Variants in KIAA1217 observed in about 807,000 individuals in gnomAD.
KIAA1217 encodes sickle tail protein homolog.
KIAA1217 carries 88 observed loss-of-function variants against 163.9 expected under a neutral mutation model. The ratio of observed to expected loss-of-function variants is 0.54; its 90% confidence interval spans 0.45 to 0.64. KIAA1217 has a LOEUF of 0.64. KIAA1217 is among the 30% of genes least tolerant of loss of function. The pLI is 0.00. For missense variants in KIAA1217, 2,372 were observed against 2,475.0 expected (o/e 0.96, Z 0.88); for synonymous variants, 903 against 923.1 (o/e 0.98, Z 0.39).
chr10:24,049,030 C>CAAAAAAAAAAAA (rs59235039), intron 2 of KIAA1217, among the ~76,000 whole-genome samples: 1 of 86,190 alleles, frequency 1.2e-5, no homozygotes, highest in Non-Finnish European at 2.2e-5. Flanking sequence ...TACTCTGTCT[C>CAAAAAAAAAAAA]AAAAAAAAAA....
intron 2 of KIAA1217, among the ~76,000 whole-genome samples, chr10:24,087,882 G>C (rs1226843184): frequency 6.6e-6 from 1 of 151,908 alleles, no homozygotes; most frequent in African/African-American, 2.4e-5. Context: ...GTGTGTCGTG[G>C]ATTTTCTCTT....
intron 2 of KIAA1217, among the ~76,000 whole-genome samples, chr10:24,365,756 C>T (rs574528895): frequency 9.2e-5 from 14 of 152,004 alleles, no homozygotes; most frequent in Middle Eastern, 3.4e-3. Context: ...TATTTTAGTA[C>T]AGTTTTTGTC....
At chr10:24,061,046 T>C (rs1033189579) in intron 2 of KIAA1217, among the ~76,000 whole-genome samples, 1 of 152,220 alleles carries the variant, frequency 6.6e-6, no homozygotes, top group Non-Finnish European at 1.5e-5. Flanking sequence ...ATTTTCTGTA[T>C]GTCTTATGGT....
At chr10:24,323,075 G>T (rs1402288446) in intron 2 of KIAA1217, among the ~76,000 whole-genome samples, 1 of 151,738 alleles carries the variant, frequency 6.6e-6, no homozygotes, top group Non-Finnish European at 1.5e-5. Context: ...TCAGCCTCCT[G>T]AGTAGCTGGG....
chr10:24,406,376 G>T (rs2131224163), intron 3 of KIAA1217, among the ~76,000 whole-genome samples: 1 of 136,656 alleles, frequency 7.3e-6, no homozygotes, highest in South Asian at 2.3e-4. Flanking sequence ...AATATGCAAA[G>T]GTACATTCAC....
At chr10:23,739,214 C>G (rs1838969703) in intron 1 of KIAA1217, among the ~76,000 whole-genome samples, 1 of 152,038 alleles carries the variant, frequency 6.6e-6, no homozygotes, top group African/African-American at 2.4e-5. Flanking sequence ...CACATGGACA[C>G]AGAGTATGGA....
chr10:24,422,901 CTTTTTTT>C (rs58161228), intron 3 of KIAA1217, among the ~76,000 whole-genome samples: 9,476 of 120,598 alleles, frequency 0.079, 391 homozygotes, highest in African/African-American at 0.11. Context: ...ATAGATTTAA[CTTTTTTT>C]TTTTTTTTTT....
chr10:24,350,314 G>A (rs562799728), intron 2 of KIAA1217, among the ~76,000 whole-genome samples: 13 of 152,206 alleles, frequency 8.5e-5, no homozygotes, highest in Non-Finnish European at 1.8e-4. Context: ...AATTCCAGGA[G>A]CAGATGTGGG....
rs997355891 is a variant in KIAA1217, at chr10:24,187,919, C to T, written c.-170-31707C>T. On this transcript the variant is annotated intron_variant, in intron 2 of 18. Transcript: ENST00000376462. Reference sequence around the variant, plus strand: ...AAAAAAAAGATAAAAGGCAATAGGCCGGGTGCAGTGGCTGATGCCTGTAAT... The same window carrying T: ...AAAAAAAAGATAAAAGGCAATAGGCTGGGTGCAGTGGCTGATGCCTGTAAT... Among the ~76,000 whole-genome samples the T allele has an allele frequency of 4.7e-4, 72 of 152,042 alleles. 1 individual carries two copies. The highest frequency in any genetic ancestry group is 1.5e-3 in the African/African-American group (63 of 41,514).
At chr10:24,492,008 G>C (rs1208394267) in intron 6 of KIAA1217, among the ~76,000 whole-genome samples, 2 of 151,954 alleles carry the variant, frequency 1.3e-5, no homozygotes, top group Non-Finnish European at 2.9e-5. Context: ...ACATCTCAAG[G>C]TAGCCCTGAA....
At chr10:23,909,840 C>T (rs943306288) in intron 1 of KIAA1217, among the ~76,000 whole-genome samples, 1 of 152,134 alleles carries the variant, frequency 6.6e-6, no homozygotes, top group Non-Finnish European at 1.5e-5. Flanking sequence ...AATGGTATTG[C>T]TAGTTCCAGA....
At chr10:24,043,790 G>A (rs532001149) in intron 2 of KIAA1217, among the ~76,000 whole-genome samples, 2 of 152,092 alleles carry the variant, frequency 1.3e-5, no homozygotes, top group East Asian at 3.9e-4. Context: ...TCCGAGGCTC[G>A]GTGCTTATTC....
At chr10:24,522,940 A>G (rs1265804769) in intron 12 of KIAA1217, among the ~76,000 whole-genome samples, 1 of 152,066 alleles carries the variant, frequency 6.6e-6, no homozygotes, top group Non-Finnish European at 1.5e-5. Context: ...GTGCCACTGC[A>G]CTCCAGCCTG....
intron 1 of KIAA1217, among the ~76,000 whole-genome samples, chr10:23,830,100 T>A (rs897110439): frequency 6.6e-6 from 1 of 152,186 alleles, no homozygotes. Flanking sequence ...AGGCAGTAAT[T>A]GATTTAATGA....
intron 2 of KIAA1217, 85 bp downstream of exon 2, chr10:24,219,994 T>A: frequency 7.2e-7 from 1 of 1,392,006 alleles, no homozygotes; most frequent in Non-Finnish European, 9.7e-7. Flanking sequence ...TTGTAAAAGG[T>A]AAAGGATAGC....
chr10:24,534,988 C>T (rs993844527), intron 16 of KIAA1217, among the ~76,000 whole-genome samples: 14 of 151,942 alleles, frequency 9.2e-5, no homozygotes, highest in Admixed American at 9.2e-4. Flanking sequence ...CTGCTAAATC[C>T]GCAACTCGAT....
chr10:24,282,429 A>G (rs2078053099), intron 2 of KIAA1217, among the ~76,000 whole-genome samples: 2 of 152,108 alleles, frequency 1.3e-5, no homozygotes, highest in Admixed American at 1.3e-4. Context: ...GAATCTGCAT[A>G]AATTATTTGG....
chr10:24,450,709 C>A (rs1253032221), intron 5 of KIAA1217, among the ~76,000 whole-genome samples: 3 of 152,074 alleles, frequency 2.0e-5, no homozygotes, highest in Non-Finnish European at 4.4e-5. Context: ...ATCATGATAA[C>A]CCTATGGAAT....
intron 8 of KIAA1217, among the ~76,000 whole-genome samples, chr10:24,498,879 A>T (rs1252804342): frequency 1.3e-5 from 2 of 152,236 alleles, no homozygotes; most frequent in Non-Finnish European, 2.9e-5. Flanking sequence ...TGTAACAACT[A>T]GTACCTAGTC....
Sources: allele counts gnomAD v4.1 joint callset (sites outside exome capture counted in the v4.1 genomes callset), GRCh38; gene constraint gnomAD v4.1.1; transcripts MANE v1.5; gene names NCBI Gene and HGNC (gene_info 2026-07-23, HGNC 2026-07-21).